Variants in DIP2C observed in about 807,000 individuals in gnomAD.
The protein encoded by DIP2C is disco-interacting protein 2 homolog C.
A neutral mutation model predicts 192.4 loss-of-function variants in DIP2C; 33 were observed. The observed-to-expected ratio is 0.17, with a 90% CI of 0.13 to 0.23. The LOEUF (loss-of-function observed/expected upper bound fraction) is 0.23. DIP2C is among the 10% of genes least tolerant of loss of function. The pLI is 1.00. For missense variants in DIP2C, 1,537 were observed against 2,110.1 expected (o/e 0.73, Z 5.32); for synonymous variants, 979 against 864.1 (o/e 1.13, Z -2.33).
chr10:312,963 C>T lies in DIP2C; in HGVS notation c.3925-2871G>A, dbSNP rs144860287. Among the ~76,000 whole-genome samples the T allele has an allele frequency of 2.4e-3, 358 of 152,248 alleles. 2 individuals carry two copies. The highest frequency in any genetic ancestry group is 8.1e-3 in the African/African-American group (338 of 41,542). The stretch of plus-strand genomic sequence containing the variant: ...GTGGTATCTCAGGAAAAAATGTACA[C>T]GGCTAAGTACCTCATTTCCTATCTT... On this transcript the variant is annotated intron_variant, in intron 31 of 36. Coordinates refer to ENST00000280886, the MANE Select transcript of DIP2C (RefSeq NM_014974.3).
At chr10:611,378 G>A (rs566821929) in intron 1 of DIP2C, among the ~76,000 whole-genome samples, 2 of 152,248 alleles carry the variant, frequency 1.3e-5, no homozygotes, top group African/African-American at 2.4e-5. Flanking sequence ...GAAGAATAGC[G>A]CAGGCCGCAG....
chr10:515,079 T>C (rs1278032767), intron 1 of DIP2C, among the ~76,000 whole-genome samples: 1 of 152,238 alleles, frequency 6.6e-6, no homozygotes, highest in Non-Finnish European at 1.5e-5. Flanking sequence ...CACTTAGTGT[T>C]ATCACTATTA....
intron 1 of DIP2C, among the ~76,000 whole-genome samples, chr10:528,968 T>A (rs1437536298): frequency 6.6e-6 from 1 of 152,182 alleles, no homozygotes; most frequent in Non-Finnish European, 1.5e-5. Flanking sequence ...GCTTCTGAGA[T>A]GGGCAAGCTG....
chr10:466,702 A>C (rs1419826902), intron 3 of DIP2C, among the ~76,000 whole-genome samples: 4 of 151,842 alleles, frequency 2.6e-5, no homozygotes, highest in Non-Finnish European at 4.4e-5. Flanking sequence ...AGAAAAAAAC[A>C]ACCCCATCAA....
intron 6 of DIP2C, among the ~76,000 whole-genome samples, chr10:417,687 T>C (rs1316140189): frequency 7.0e-6 from 1 of 143,256 alleles, no homozygotes; most frequent in African/African-American, 2.6e-5. Context: ...TAGGCCTCCC[T>C]GTCCGCCTGT....
At chr10:505,497 ACAACCTGCC>A (rs1845535297) in intron 1 of DIP2C, among the ~76,000 whole-genome samples, 3 of 152,138 alleles carry the variant, frequency 2.0e-5, no homozygotes, top group Non-Finnish European at 4.4e-5. Flanking sequence ...CTGGCAATAA[ACAACCTGCC>A]CAGCTGTGAT....
Position 536,617 on chromosome 10 carries a change from G to A in DIP2C, c.86-50087C>T, listed in dbSNP as rs552103209. Among the ~76,000 whole-genome samples the A allele has an allele frequency of 2.9e-4, 44 of 152,314 alleles. No individual in the cohort carries two copies. In the Middle Eastern group the frequency reaches 0.01, roughly 35 times the overall value. On this transcript the variant is annotated intron_variant, in intron 1 of 36. Coordinates refer to ENST00000280886, the MANE Select transcript of DIP2C (RefSeq NM_014974.3). ...AGGACACAATTTAATACCAGGAGCC[G>A]GACAGACAGTGAATGTGATTCAGAA...
At chr10:423,805 T>C (rs955560486) in intron 4 of DIP2C, among the ~76,000 whole-genome samples, 1 of 152,206 alleles carries the variant, frequency 6.6e-6, no homozygotes, top group African/African-American at 2.4e-5. Flanking sequence ...AGAACGTGCC[T>C]CACGCGGAGC....
At chr10:639,895 G>A (rs1485666301) in intron 1 of DIP2C, among the ~76,000 whole-genome samples, 1 of 152,208 alleles carries the variant, frequency 6.6e-6, no homozygotes, top group East Asian at 1.9e-4. Flanking sequence ...ATTTCCAGAT[G>A]TCCCTCCCCC....
chr10:390,466 T>C, intron 11 of DIP2C, 93 bp from the exon 12 acceptor site: 2 of 1,248,444 alleles, frequency 1.6e-6, no homozygotes, highest in Non-Finnish European at 2.3e-6. Flanking sequence ...TTCAAACACG[T>C]CAACTAGATC....
intron 1 of DIP2C, among the ~76,000 whole-genome samples, chr10:502,547 CAG>C (rs1012822902): frequency 1.3e-5 from 2 of 151,908 alleles, no homozygotes; most frequent in African/African-American, 4.8e-5. Context: ...AAACTGAAAA[CAG>C]AAAGGAGGAA....
chr10:385,349 C>T (rs920260141), intron 14 of DIP2C, among the ~76,000 whole-genome samples: 2 of 152,186 alleles, frequency 1.3e-5, no homozygotes, highest in African/African-American at 2.4e-5. Flanking sequence ...CCAAGGTCTC[C>T]CTCGAACTCC....
intron 4 of DIP2C, among the ~76,000 whole-genome samples, chr10:428,020 A>G: frequency 6.6e-6 from 1 of 152,250 alleles, no homozygotes; most frequent in Admixed American, 6.5e-5. Context: ...ACCAACTGGT[A>G]AATGAATAAA....
At chr10:298,488 C>T (rs923193207) in intron 32 of DIP2C, among the ~76,000 whole-genome samples, 3 of 152,242 alleles carry the variant, frequency 2.0e-5, no homozygotes, top group African/African-American at 7.2e-5. Context: ...TCGCTCTGCT[C>T]AGCCCATGCC....
intron 2 of DIP2C, among the ~76,000 whole-genome samples, chr10:475,105 TGTCA>T (rs944504158): frequency 7.9e-5 from 12 of 152,172 alleles, no homozygotes; most frequent in East Asian, 5.8e-4. Context: ...GAGCCTCTGT[TGTCA>T]GTATCATCCC....
rs533804405 is a variant in DIP2C at position 355,104 on chromosome 10, C to A, written c.2985+1322G>T. On this transcript the variant is annotated intron_variant, in intron 24 of 36. Coordinates refer to ENST00000280886, the MANE Select transcript of DIP2C (RefSeq NM_014974.3). ...ACTCCAGTCCTCAAGATCTCCGGCC[C>A]CCACACCTGAGCTCTCAGCGTGGGG... is the stretch of plus-strand genomic sequence containing the variant. Among the ~76,000 whole-genome samples, 5 of 152,248 alleles carry A rather than the reference C, an allele frequency of 3.3e-5. No individual in the cohort carries two copies. The South Asian group carries it at 1.0e-3, about 32-fold the overall frequency.
At chr10:491,752 A>G (rs1488029271) in intron 1 of DIP2C, among the ~76,000 whole-genome samples, 1 of 152,278 alleles carries the variant, frequency 6.6e-6, no homozygotes, top group Non-Finnish European at 1.5e-5. Flanking sequence ...AAATCTTTAA[A>G]AAAAGTTCAA....
intron 1 of DIP2C, among the ~76,000 whole-genome samples, chr10:493,301 G>T (rs995187565): frequency 6.6e-6 from 1 of 152,146 alleles, no homozygotes; most frequent in Non-Finnish European, 1.5e-5. Context: ...AAAGAAACCC[G>T]ACCTGTAGAA....
At chr10:442,705 C>T (rs1967847950) in intron 3 of DIP2C, among the ~76,000 whole-genome samples, 1 of 152,164 alleles carries the variant, frequency 6.6e-6, no homozygotes, top group Non-Finnish European at 1.5e-5. Context: ...ATACTATATT[C>T]CTCTATACCT....
Sources: gnomAD v4.1 joint callset for allele counts (sites outside exome capture counted in the v4.1 genomes callset) on GRCh38, gnomAD v4.1.1 for gene constraint, MANE v1.5 for transcripts, NCBI Gene and HGNC (gene_info 2026-07-23, HGNC 2026-07-21) for gene names.